Variants in FAM178B observed in about 807,000 individuals in gnomAD.
The protein encoded by FAM178B is protein FAM178B.
A neutral mutation model predicts 91.7 loss-of-function variants in FAM178B; 82 were observed. The observed-to-expected ratio is 0.89, with a 90% CI of 0.75 to 1.07. The LOEUF (loss-of-function observed/expected upper bound fraction) is 1.07. Among genes scored for constraint, FAM178B ranks in the 50% least tolerant of loss-of-function variants. The pLI, the probability that FAM178B is intolerant of heterozygous loss-of-function variation, is 0.00. For synonymous variants in FAM178B, 368 were observed against 359.4 expected (o/e 1.02, Z -0.27); for missense variants, 769 against 846.7 (o/e 0.91, Z 1.14).
intron 5 of FAM178B, among the ~76,000 whole-genome samples, chr2:96,961,278 G>T (rs1574306646): frequency 6.6e-6 from 1 of 152,220 alleles, no homozygotes; most frequent in African/African-American, 2.4e-5. Flanking sequence ...CAACGTGGCT[G>T]AGCCCAAGTT....
intron 14 of FAM178B, 81 bp from the exon 15 acceptor site, chr2:96,878,574 A>C (rs2080304194): frequency 1.5e-6 from 2 of 1,340,102 alleles, no homozygotes; most frequent in Non-Finnish European, 2.1e-6. Flanking sequence ...CACACTCCCC[A>C]CTCTCAGGCT....
intron 8 of FAM178B, among the ~76,000 whole-genome samples, chr2:96,929,895 A>G (rs1262208002): frequency 6.6e-6 from 1 of 152,184 alleles, no homozygotes; most frequent in African/African-American, 2.4e-5. Flanking sequence ...CCCTTGCCCA[A>G]TTTAACCAAA....
chr2:96,970,349 T>C (rs559886550), intron 4 of FAM178B, among the ~76,000 whole-genome samples: 1 of 152,330 alleles, frequency 6.6e-6, no homozygotes, highest in South Asian at 2.1e-4. Context: ...CTGCCCAGCA[T>C]GACCCTCCAG....
At chr2:96,972,412 G>A in intron 2 of FAM178B, 90 bp from the exon 3 acceptor site, 1 of 1,478,686 alleles carries the variant, frequency 6.8e-7, no homozygotes. Flanking sequence ...GCAGCAAATG[G>A]GTGAGAGAAC....
intron 12 of FAM178B, among the ~76,000 whole-genome samples, chr2:96,908,135 C>T (rs1308914472): frequency 2.0e-5 from 3 of 152,238 alleles, no homozygotes; most frequent in Non-Finnish European, 4.4e-5. Context: ...GCTGGTTGTC[C>T]CTCCCGGGGG....
In FAM178B at chr2:96,986,380, G is replaced by C; in HGVS notation, c.-67C>G. Reference sequence around the variant, plus strand: ...GGAATTCGCACGGCCTCAGAGGACGGGGCCAGCTAGCCGGGAAAGGAAGCA... The same window carrying C: ...GGAATTCGCACGGCCTCAGAGGACGCGGCCAGCTAGCCGGGAAAGGAAGCA... On this transcript the variant is annotated 5_prime_UTR_variant, in exon 1 of 17. Transcript: ENST00000490605. The C allele has an allele frequency of 1.3e-6, 2 of 1,498,350 alleles. No individual in the cohort carries two copies. Among genetic ancestry groups the C allele is most frequent in the Non-Finnish European group, 1.8e-6 (2 of 1,129,062 alleles). 92.8% of individuals were successfully genotyped at this position (1,498,350 alleles called of 1,614,324 possible).
At chr2:96,960,004 C>T (rs928844515) in intron 6 of FAM178B, among the ~76,000 whole-genome samples, 2 of 152,218 alleles carry the variant, frequency 1.3e-5, no homozygotes, top group Admixed American at 6.5e-5. Context: ...GTCTGCTGTT[C>T]TGTGACACTG....
At chr2:96,876,357 C>A in intron 16 of FAM178B, 49 bp from the exon 17 acceptor site, 1 of 1,569,134 alleles carries the variant, frequency 6.4e-7, no homozygotes, top group Non-Finnish European at 8.6e-7. Flanking sequence ...CCAGGTGCTG[C>A]CCACTGCCCT....
intron 8 of FAM178B, among the ~76,000 whole-genome samples, chr2:96,931,510 T>A (rs1441215318): frequency 2.0e-5 from 3 of 152,100 alleles, no homozygotes; most frequent in Admixed American, 1.3e-4. Flanking sequence ...GTCTCTTTTC[T>A]GACACAGAGA....
chr2:96,985,370 C>T (rs1359200792), intron 1 of FAM178B, among the ~76,000 whole-genome samples: 1 of 152,160 alleles, frequency 6.6e-6, no homozygotes, highest in East Asian at 1.9e-4. Context: ...GCCCCCTCTG[C>T]CCAGCACATC....
chr2:96,965,278 G>C (rs1446603166), intron 5 of FAM178B, among the ~76,000 whole-genome samples: 1 of 151,876 alleles, frequency 6.6e-6, no homozygotes, highest in Non-Finnish European at 1.5e-5. Context: ...AAAGCGCTGG[G>C]ATTACAAGAT....
chr2:96,959,429 T>G (rs1035915088), intron 6 of FAM178B, among the ~76,000 whole-genome samples: 1 of 152,164 alleles, frequency 6.6e-6, no homozygotes, highest in African/African-American at 2.4e-5. Context: ...CTTTGTATCA[T>G]ACAATAAGAC....
At chr2:96,967,727 G>A in intron 4 of FAM178B, 100 bp from the exon 5 acceptor site, 1 of 808,012 alleles carries the variant, frequency 1.2e-6, no homozygotes, top group Admixed American at 2.1e-5. Flanking sequence ...AGCAAGACCA[G>A]AGGGCTGCGC....
In FAM178B at chr2:96,967,911, C is replaced by CTT. The variant is rs60965536; in HGVS notation, c.627-286_627-285dup. On this transcript the variant is annotated intron_variant, in intron 4 of 16. Transcript: ENST00000490605. Reference sequence around the variant, plus strand: ...TCTTTACTTGTGTACCCTGTTTGGTCTTTTTTTTTTTTTTTTTTTTTTTTT... The same window carrying CTT: ...TCTTTACTTGTGTACCCTGTTTGGTCTTTTTTTTTTTTTTTTTTTTTTTTTTT... 5.3e-4 allele frequency among the ~76,000 whole-genome samples: 33 copies of CTT among 62,442 alleles called. 3 individuals carry two copies. Among genetic ancestry groups the CTT allele is most frequent in the East Asian group, 5.1e-3 (11 of 2,178 alleles). 41.0% of individuals were successfully genotyped at this position (62,442 alleles called of 152,430 possible). A position where few individuals can be genotyped will look rare whatever the true frequency, so the allele number is the denominator to read the frequency against.
At chr2:96,923,979 A>T (rs750680586) in intron 9 of FAM178B, among the ~76,000 whole-genome samples, 24 of 152,256 alleles carry the variant, frequency 1.6e-4, no homozygotes, top group Non-Finnish European at 2.5e-4. Context: ...TGCCCAAGAC[A>T]GAGCCACAAC....
intron 13 of FAM178B, chr2:96,895,016 C>T: frequency 7.8e-7 from 1 of 1,278,758 alleles, no homozygotes; most frequent in Non-Finnish European, 1.0e-6. Flanking sequence ...AGGTTTGGAA[C>T]ACCATGAAGA....
intron 9 of FAM178B, among the ~76,000 whole-genome samples, chr2:96,924,307 G>T (rs2081397599): frequency 6.6e-6 from 1 of 152,192 alleles, no homozygotes; most frequent in Non-Finnish European, 1.5e-5. Context: ...ACACGGGCTG[G>T]CTCACAAGCC....
chr2:96,967,723 AC>A, intron 4 of FAM178B, 96 bp from the exon 5 acceptor site: 4 of 832,562 alleles, frequency 4.8e-6, no homozygotes, highest in South Asian at 1.6e-5. Context: ...ACACAGCAAG[AC>A]CAGAGGGCTG....
intron 13 of FAM178B, among the ~76,000 whole-genome samples, chr2:96,899,538 G>C (rs1303702309): frequency 6.6e-6 from 1 of 151,976 alleles, no homozygotes; most frequent in Non-Finnish European, 1.5e-5. Flanking sequence ...ATCTCTCAAG[G>C]GGAGGCAGCG....
Sources: allele counts gnomAD v4.1 joint callset (sites outside exome capture counted in the v4.1 genomes callset), GRCh38; gene constraint gnomAD v4.1.1; transcripts MANE v1.5; gene names NCBI Gene and HGNC (gene_info 2026-07-23, HGNC 2026-07-21).